The following WDR73 variants were observed in gnomAD, a reference collection of about 807,000 sequenced individuals.
The protein encoded by WDR73 is integrator complex assembly factor WDR73.
WDR73 carries 30 observed loss-of-function variants against 38.2 expected under a neutral mutation model. That is an observed-to-expected ratio of 0.79 (90% CI 0.59 to 1.06). WDR73 has a LOEUF of 1.06. Ranked by LOEUF, WDR73 falls within the 50% of genes least tolerant of loss-of-function variation. The probability of loss-of-function intolerance (pLI) is 0.00; values close to 1 mark genes in which losing one functional copy is unlikely to be tolerated. For synonymous variants in WDR73, 197 were observed against 176.0 expected, an observed-to-expected ratio of 1.12 and a Z score of -0.94; for missense variants, 487 against 467.0, an observed-to-expected ratio of 1.04 and a Z score of -0.40.
In WDR73 at chr15:84,653,815, C is replaced by A. The variant is rs539166994; in HGVS notation, c.42-116G>T. 1.4e-4 allele frequency: 114 copies of A among 795,632 alleles called. No individual in the cohort carries two copies. The East Asian group carries it at 2.8e-3, about 19-fold the overall frequency. The allele number at this position is 795,632 out of a possible 1,614,324, so 49.3% of individuals were successfully genotyped here. ...ACTCTGGAGTCAGGCAGACGTGGGA[C>A]TGAGTTTACTTCCCATTTTACTCCC... On this transcript the variant is annotated intron_variant, in intron 1 of 7. Coordinates refer to ENST00000434634, the MANE Select transcript of WDR73 (RefSeq NM_032856.5).
Position 84,652,802 on chromosome 15 carries a change from C to T in WDR73, c.110G>A (p.Gly37Glu). ...GCTTTCATAGCCAGCAACAAAGACT[C>T]CTGGAAAAAGAAGCAGAGGTAGCTG... Reference protein sequence around the residue: ...TRVLEWIDDKGVFVAGYESLK... With the variant: ...TRVLEWIDDKEVFVAGYESLK... The change falls in exon 3 of 8, where the codon GGA (glycine) becomes GAA (glutamate). Residue 37 changes from glycine to glutamate, a missense_variant and splice_region_variant. Coordinates refer to ENST00000434634, the MANE Select transcript of WDR73 (RefSeq NM_032856.5). 6.6e-7 allele frequency: 1 copy of T among 1,516,270 alleles called. No homozygotes were observed. Among genetic ancestry groups the T allele is most frequent in the Non-Finnish European group, 8.8e-7 (1 of 1,132,130 alleles). The allele number at this position is 1,516,270 out of a possible 1,614,324, so 93.9% of individuals were successfully genotyped here. A position where few individuals can be genotyped will look rare whatever the true frequency, so the allele number is the denominator to read the frequency against.
intron 3 of WDR73, among the ~76,000 whole-genome samples, chr15:84,651,092 G>C (rs956549168): frequency 2.0e-5 from 3 of 151,358 alleles, no homozygotes; most frequent in African/African-American, 7.3e-5. Context: ...TCCAGCCTAG[G>C]TGACAGAGTG....
intron 3 of WDR73, 89 bp from the exon 4 acceptor site, chr15:84,648,714 G>T: frequency 1.9e-6 from 2 of 1,059,652 alleles, no homozygotes; most frequent in Non-Finnish European, 2.9e-6. Flanking sequence ...TCCTAGCCTG[G>T]CAGGAGGCCA....
chr15:84,649,079 A>G (rs1313601064), intron 3 of WDR73, among the ~76,000 whole-genome samples: 1 of 152,090 alleles, frequency 6.6e-6, no homozygotes, highest in African/African-American at 2.4e-5. Flanking sequence ...AATTCTTACA[A>G]CCTCCTATGA....
rs1344661648 is a variant in WDR73, at chr15:84,652,603, G to A, written c.198+111C>T. The A allele has an allele frequency of 2.0e-5, 12 of 598,232 alleles. No homozygotes were observed. The Admixed American group carries it at 2.2e-4, about 11-fold the overall frequency. The allele number at this position is 598,232 out of a possible 1,614,324, so 37.1% of individuals were successfully genotyped here. ...GTTAGACTAGAAGGGCAGGCCTAGC[G>A]CTTTCTCTCTTTCTAGTATCCAGGA... On this transcript the variant is annotated intron_variant, in intron 3 of 7. Coordinates refer to ENST00000434634, the MANE Select transcript of WDR73 (RefSeq NM_032856.5).
In WDR73 at chr15:84,648,686, T is replaced by G. The variant is rs1896536835; in HGVS notation, c.199-61A>C. ...CTTCAAATGAACATTTCAGAGGAAC[T>G]CTAAGTGAGGAGTCAGGTCCTAGCC... On this transcript the variant is annotated intron_variant, in intron 3 of 7. Coordinates refer to ENST00000434634, the MANE Select transcript of WDR73 (RefSeq NM_032856.5). 2.2e-6 allele frequency: 3 copies of G among 1,351,826 alleles called. 1 individual carries two copies. In the South Asian group the frequency reaches 3.5e-5, roughly 16 times the overall value. 83.7% of individuals were successfully genotyped at this position (1,351,826 alleles called of 1,614,324 possible).
rs1896257392 is a variant in WDR73 at position 84,641,578 on chromosome 15, A to G, written c.*1892T>C. The G allele has an allele frequency of 6.6e-6, 1 of 152,126 alleles. No homozygotes were observed. The highest frequency in any genetic ancestry group is 2.4e-5 in the African/African-American group (1 of 41,404). 9.4% of individuals were successfully genotyped at this position (152,126 alleles called of 1,614,324 possible). The stretch of plus-strand genomic sequence containing the variant: ...ACCCAGGCTGGAATGCAGTGGCACA[A>G]TCTCGGTTCACTGCAGCCTCTACCT... On this transcript the variant is annotated 3_prime_UTR_variant, in exon 8 of 8. Coordinates refer to ENST00000434634, the MANE Select transcript of WDR73 (RefSeq NM_032856.5).
At chr15:84,644,935 G>C (rs953106015) in intron 7 of WDR73, 1 of 145,808 alleles carries the variant, frequency 6.9e-6, no homozygotes, top group African/African-American at 2.8e-5. Context: ...TGCTGTCCCT[G>C]CTGCTTTTTT....
At chr15:84,653,382 C>T in intron 2 of WDR73, 3 of 391,474 alleles carry the variant, frequency 7.7e-6, no homozygotes, top group South Asian at 7.4e-5. Flanking sequence ...GTTGGCCAGA[C>T]TGGTCTCGAA....
chr15:84,653,332 G>C (rs1289437354), intron 2 of WDR73: 1 of 318,246 alleles, frequency 3.1e-6, no homozygotes, highest in Admixed American at 4.2e-5. Context: ...ACCTCGTCCG[G>C]CTAATTTTTG....
In WDR73 at chr15:84,643,380, G is replaced by T; in HGVS notation, c.*90C>A. 1 of 1,465,282 alleles carries T rather than the reference G, an allele frequency of 6.8e-7. No individual in the cohort carries two copies. Among genetic ancestry groups the T allele is most frequent in the Non-Finnish European group, 9.2e-7 (1 of 1,092,218 alleles). 90.8% of individuals were successfully genotyped at this position (1,465,282 alleles called of 1,614,324 possible). ...CCAAGGCCACACAGCTGGTAACAGG[G>T]ACTGGTAGTCACTTGAGTCCTACAT... On this transcript the variant is annotated 3_prime_UTR_variant, in exon 8 of 8. Transcript: ENST00000434634.
intron 2 of WDR73, 147 bp from the exon 3 acceptor site, chr15:84,652,949 C>T (rs935900890): frequency 4.1e-5 from 22 of 539,304 alleles, no homozygotes; most frequent in African/African-American, 3.5e-4. Context: ...GACAAGGTCT[C>T]GCTGTGTCAG....
At chr15:84,648,215 A>C (rs1341901326) in intron 4 of WDR73, 1 of 591,796 alleles carries the variant, frequency 1.7e-6, no homozygotes, top group Non-Finnish European at 3.0e-6. Flanking sequence ...CCTGACCCAG[A>C]GACTCTTGGC....
intron 3 of WDR73, 90 bp from the exon 4 acceptor site, chr15:84,648,715 C>A: frequency 9.5e-7 from 1 of 1,055,462 alleles, no homozygotes. Context: ...CCTAGCCTGG[C>A]AGGAGGCCAT....
Position 84,643,503 on chromosome 15 carries a change from C to T in WDR73, c.1104G>A (p.Val368=), listed in dbSNP as rs749805873. The T allele has an allele frequency of 6.4e-7, 1 of 1,570,814 alleles. No homozygotes were observed. The highest frequency in any genetic ancestry group is 8.6e-7 in the Non-Finnish European group (1 of 1,157,230). Residue 368 remains valine (V), a synonymous_variant, in exon 8 of 8, where the codon GTG becomes GTA. Transcript: ENST00000434634. ...GGGCACAAAGGTCCACCCAGTCCCA[C>T]ACATGCAGAGAGGCATCATTTGTTG... is the stretch of plus-strand genomic sequence containing the variant. ...LSATNDASLH[V]WDWVDLCAPR
chr15:84,647,658 G>A (rs1292850553), intron 5 of WDR73: 7 of 521,728 alleles, frequency 1.3e-5, no homozygotes, highest in Non-Finnish European at 1.7e-5. Flanking sequence ...CACCATGCCC[G>A]GCTAATTTTT....
Position 84,640,844 on chromosome 15 carries a change from C to T in WDR73, c.*2626G>A, listed in dbSNP as rs1046887354. 9.2e-5 allele frequency: 14 copies of T among 152,346 alleles called. No individual in the cohort carries two copies. Among genetic ancestry groups the T allele is most frequent in the African/African-American group, 3.4e-4 (14 of 41,564 alleles). The allele number at this position is 152,346 out of a possible 1,614,324, so 9.4% of individuals were successfully genotyped here. On this transcript the variant is annotated 3_prime_UTR_variant, in exon 8 of 8. Transcript: ENST00000434634. ...TAAATACCCTTAGCCTCCATTTTCTCATCTGGACAGTGGACATTGTGATGG... is the reference window on the plus strand; with the variant it reads ...TAAATACCCTTAGCCTCCATTTTCTTATCTGGACAGTGGACATTGTGATGG...
rs1336035212 is a variant in WDR73 at position 84,651,096 on chromosome 15, CAG to C, written c.198+1616_198+1617del. 2.7e-5 allele frequency among the ~76,000 whole-genome samples: 4 copies of C among 148,838 alleles called. No homozygotes were observed. The East Asian group carries it at 5.9e-4, about 22-fold the overall frequency. ...CGCCACTGCACTCCAGCCTAGGTGA[CAG>C]AGTGAGACCTCAAAAAAAAAAAAAA... On this transcript the variant is annotated intron_variant, in intron 3 of 7. Transcript: ENST00000434634.
rs1037903963 is a variant in WDR73 at position 84,641,429 on chromosome 15, C to A, written c.*2041G>T. ...CAGGACTTGAGAAGCAGGTGGCACC[C>A]AGGAAAGCCTGTTCCCCTAAGTAAG... On this transcript the variant is annotated 3_prime_UTR_variant, in exon 8 of 8. Transcript: ENST00000434634. 1 of 152,172 alleles carries A rather than the reference C, an allele frequency of 6.6e-6. No individual in the cohort carries two copies. Among genetic ancestry groups the A allele is most frequent in the African/African-American group, 2.4e-5 (1 of 41,456 alleles). 9.4% of individuals were successfully genotyped at this position (152,172 alleles called of 1,614,324 possible).
Sources: allele counts gnomAD v4.1 joint callset (sites outside exome capture counted in the v4.1 genomes callset), GRCh38; gene constraint gnomAD v4.1.1; transcripts MANE v1.5; gene names NCBI Gene and HGNC (gene_info 2026-07-23, HGNC 2026-07-21).